The following AMPH variants were observed in gnomAD, a reference collection of about 807,000 sequenced individuals.
AMPH encodes amphiphysin, also known as amphiphysin (Stiff-Mann syndrome with breast cancer 128kD autoantigen).
A neutral mutation model predicts 99.1 loss-of-function variants in AMPH; 49 were observed. The ratio of observed to expected loss-of-function variants is 0.49; its 90% CI spans 0.39 to 0.63. AMPH has a LOEUF of 0.63. Among genes scored for constraint, AMPH ranks in the 20% least tolerant of loss-of-function variants. The probability of loss-of-function intolerance (pLI) is 0.00; values close to 1 mark genes in which losing one functional copy is unlikely to be tolerated. For missense variants in AMPH, 759 were observed against 863.4 expected, an observed-to-expected ratio of 0.88 and a Z score of 1.52; for synonymous variants, 314 against 317.3, an observed-to-expected ratio of 0.99 and a Z score of 0.11.
chr7:38,610,440 C>G (rs1793643154), intron 1 of AMPH, among the ~76,000 whole-genome samples: 1 of 150,200 alleles, frequency 6.7e-6, no homozygotes, highest in Non-Finnish European at 1.5e-5. Context: ...ACAGAAAACA[C>G]AAATCCACAG....
chr7:38,487,764 A>C (rs1041058728), intron 5 of AMPH, among the ~76,000 whole-genome samples: 13 of 152,304 alleles, frequency 8.5e-5, no homozygotes, highest in African/African-American at 3.1e-4. Flanking sequence ...AAAATTTTGC[A>C]ATCTATCTAT....
intron 11 of AMPH, among the ~76,000 whole-genome samples, chr7:38,457,156 G>A (rs1199805320): frequency 6.6e-6 from 1 of 152,102 alleles, no homozygotes; most frequent in African/African-American, 2.4e-5. Context: ...ATTGGAAATT[G>A]GAAGTTATAC....
intron 4 of AMPH, among the ~76,000 whole-genome samples, chr7:38,493,352 T>C (rs1439240436): frequency 2.0e-5 from 3 of 152,208 alleles, no homozygotes; most frequent in South Asian, 2.1e-4. Flanking sequence ...TGAGACAATC[T>C]GTGACTGGCA....
chr7:38,522,877 G>A (rs1394959150), intron 2 of AMPH, among the ~76,000 whole-genome samples: 3 of 152,170 alleles, frequency 2.0e-5, no homozygotes, highest in African/African-American at 7.2e-5. Context: ...GGGAGGCTGA[G>A]ACAGGCAGAT....
At chr7:38,594,567 C>A (rs143338079) in intron 1 of AMPH, among the ~76,000 whole-genome samples, 67 of 152,222 alleles carry the variant, frequency 4.4e-4, no homozygotes, top group East Asian at 3.9e-3. Flanking sequence ...AAGGCTTCAT[C>A]TGGGGAAGAA....
intron 14 of AMPH, chr7:38,428,713 C>A (rs567888571): frequency 3.3e-5 from 15 of 456,598 alleles, no homozygotes; most frequent in Non-Finnish European, 6.6e-5. Flanking sequence ...GCAGGTTTGG[C>A]TCCAAAGCCT....
intron 3 of AMPH, among the ~76,000 whole-genome samples, chr7:38,498,372 T>A (rs1789008106): frequency 6.6e-6 from 1 of 152,214 alleles, no homozygotes; most frequent in African/African-American, 2.4e-5. Context: ...ATACAAAATA[T>A]TTTTGGAGGC....
chr7:38,585,941 A>AT (rs1466130640), intron 1 of AMPH, among the ~76,000 whole-genome samples: 1 of 152,172 alleles, frequency 6.6e-6, no homozygotes, highest in African/African-American at 2.4e-5. Flanking sequence ...AGCCTGAGAG[A>AT]TTTTTTTCTA....
chr7:38,385,029 C>T (rs1323392788), intron 20 of AMPH, 104 bp from the exon 21 acceptor site: 1 of 1,003,248 alleles, frequency 1.0e-6, no homozygotes, highest in African/African-American at 1.6e-5. Context: ...GGTTCTGAAC[C>T]AGGATGTCAC....
In AMPH at chr7:38,624,803, G is replaced by A. The variant is rs144998676; in HGVS notation, c.69+6480C>T. On this transcript the variant is annotated intron_variant, in intron 1 of 20. Transcript: ENST00000356264. Reference sequence around the variant, plus strand: ...TCTCATTCCAAAGCCCAACTAAGGCGACAGTAAAGGAATAAAAAATTATGA... The same window carrying A: ...TCTCATTCCAAAGCCCAACTAAGGCAACAGTAAAGGAATAAAAAATTATGA... 7.4e-3 allele frequency among the ~76,000 whole-genome samples: 1,127 copies of A among 152,070 alleles called. 5 individuals carry two copies. Among genetic ancestry groups the A allele is most frequent in the Non-Finnish European group, 0.012 (794 of 68,008 alleles).
chr7:38,414,099 A>G (rs140363002), intron 17 of AMPH, among the ~76,000 whole-genome samples: 1 of 152,372 alleles, frequency 6.6e-6, no homozygotes, highest in African/African-American at 2.4e-5. Flanking sequence ...ATATCTGTCA[A>G]CTGAGTAAAA....
Position 38,433,724 on chromosome 7 carries a change from C to CAAAAA in AMPH, c.1135-1517_1135-1513dup, listed in dbSNP as rs570503359. Among the ~76,000 whole-genome samples, 292 of 53,182 alleles carry CAAAAA rather than the reference C, an allele frequency of 5.5e-3. 21 individuals carry two copies. The highest frequency in any genetic ancestry group is 0.014 in the Middle Eastern group (1 of 74). 34.9% of individuals were successfully genotyped at this position (53,182 alleles called of 152,430 possible). ...TGGGCAACAGAGCGAGACTCCGTCT[C>CAAAAA]AAAAAAAAAAAAAAAAAAAAAAGAA... On this transcript the variant is annotated intron_variant, in intron 12 of 20. Coordinates refer to ENST00000356264, the MANE Select transcript of AMPH (RefSeq NM_001635.4).
At chr7:38,512,509 T>C (rs1789577288) in intron 2 of AMPH, among the ~76,000 whole-genome samples, 1 of 152,186 alleles carries the variant, frequency 6.6e-6, no homozygotes, top group Middle Eastern at 3.2e-3. Context: ...AATTAGTCTC[T>C]AAATAAATGC....
At chr7:38,527,959 G>GGAATT (rs1790251591) in intron 2 of AMPH, among the ~76,000 whole-genome samples, 1 of 152,084 alleles carries the variant, frequency 6.6e-6, no homozygotes, top group Non-Finnish European at 1.5e-5. Flanking sequence ...TGTGGAGTGG[G>GGAATT]TGCTGAATTT....
chr7:38,464,476 A>C lies in AMPH; in HGVS notation c.749+991T>G, dbSNP rs147101765. Among the ~76,000 whole-genome samples the C allele has an allele frequency of 2.9e-3, 440 of 152,338 alleles. 1 individual carries two copies. Among genetic ancestry groups the C allele is most frequent in the African/African-American group, 9.8e-3 (409 of 41,568 alleles). On this transcript the variant is annotated intron_variant, in intron 9 of 20. Coordinates refer to ENST00000356264, the MANE Select transcript of AMPH (RefSeq NM_001635.4). ...TATAAGTAGGGCTAATCCAAAGAGC[A>C]GGGAATAAGAAAATTAACAATCTCT...
chr7:38,606,171 T>C, intron 1 of AMPH, among the ~76,000 whole-genome samples: 1 of 152,184 alleles, frequency 6.6e-6, no homozygotes, highest in South Asian at 2.1e-4. Flanking sequence ...ATCTTTGGTT[T>C]AGGGATTTGT....
chr7:38,525,141 T>C (rs1052271179), intron 2 of AMPH, among the ~76,000 whole-genome samples: 5 of 150,320 alleles, frequency 3.3e-5, no homozygotes, highest in East Asian at 2.0e-4. Flanking sequence ...TGTATATATA[T>C]AGTTGTGTTA....
At chr7:38,418,118 A>C in intron 16 of AMPH, 168 bp from the exon 17 acceptor site, 1 of 603,306 alleles carries the variant, frequency 1.7e-6, no homozygotes, top group Non-Finnish European at 2.7e-6. Context: ...CTTTTAGAGA[A>C]TGGAAAAGAC....
intron 7 of AMPH, among the ~76,000 whole-genome samples, chr7:38,467,753 C>T (rs1210726804): frequency 1.3e-5 from 2 of 151,236 alleles, no homozygotes; most frequent in Non-Finnish European, 2.9e-5. Context: ...TGTTAAGTTA[C>T]AACAAGAAGG....
Sources: allele counts gnomAD v4.1 joint callset (sites outside exome capture counted in the v4.1 genomes callset), GRCh38; gene constraint gnomAD v4.1.1; transcripts MANE v1.5; gene names NCBI Gene and HGNC (gene_info 2026-07-23, HGNC 2026-07-21).